ASXL3: variants seen among roughly 807,000 people sequenced by gnomAD.
The protein encoded by ASXL3 is ASXL transcriptional regulator 3, also known as putative Polycomb group protein ASXL3.
Under a neutral mutation model 170.6 loss-of-function variants are expected in ASXL3, and 34 were observed. That is an observed-to-expected ratio of 0.20 (90% CI 0.15 to 0.27). ASXL3 has a LOEUF of 0.27. Among genes scored for constraint, ASXL3 ranks in the 10% least tolerant of loss-of-function variants. The pLI, the probability that ASXL3 is intolerant of heterozygous loss-of-function variation, is 1.00. For synonymous variants in ASXL3, 1,002 were observed against 989.1 expected (o/e 1.01, Z -0.24); for missense variants, 2,592 against 2,695.3 (o/e 0.96, Z 0.85).
Position 33,748,740 on chromosome 18 carries a change from A to G in ASXL3, c.*2145A>G, listed in dbSNP as rs1221424356. 1.3e-5 allele frequency: 2 copies of G among 152,102 alleles called. No homozygotes were observed. Among genetic ancestry groups the G allele is most frequent in the Non-Finnish European group, 2.9e-5 (2 of 68,030 alleles). 9.4% of individuals were successfully genotyped at this position (152,102 alleles called of 1,614,324 possible). ...CTATAATATAGACACTTGCATGCCAACTCCTTCCAAATTCATTCACTGCTA... is the reference window on the plus strand; with the variant it reads ...CTATAATATAGACACTTGCATGCCAGCTCCTTCCAAATTCATTCACTGCTA... On this transcript the variant is annotated 3_prime_UTR_variant, in exon 12 of 12. Transcript: ENST00000269197.
intron 10 of ASXL3, among the ~76,000 whole-genome samples, chr18:33,736,365 T>C (rs1363394090): frequency 6.6e-6 from 1 of 152,140 alleles, no homozygotes; most frequent in Non-Finnish European, 1.5e-5. Context: ...CTGTAGTTTA[T>C]CAGTAGCTTT....
intron 1 of ASXL3, among the ~76,000 whole-genome samples, chr18:33,587,140 T>G (rs537489117): frequency 6.6e-6 from 1 of 152,304 alleles, no homozygotes; most frequent in African/African-American, 2.4e-5. Flanking sequence ...GTGATTACCT[T>G]TAACCAAAAG....
At chr18:33,585,230 A>G (rs1483112339) in intron 1 of ASXL3, among the ~76,000 whole-genome samples, 2 of 151,970 alleles carry the variant, frequency 1.3e-5, no homozygotes, top group African/African-American at 4.8e-5. Flanking sequence ...TGATAGGGCC[A>G]GGAGGAGGGG....
At chr18:33,681,728 A>G (rs1369999164) in intron 7 of ASXL3, among the ~76,000 whole-genome samples, 1 of 151,614 alleles carries the variant, frequency 6.6e-6, no homozygotes, top group African/African-American at 2.4e-5. Context: ...AAAATATTTC[A>G]GTCATTAGCT....
At position 33,670,737 on chromosome 18, in the gene ASXL3, G is replaced by A. The variant is rs972436452; in HGVS notation, c.542G>A (p.Arg181His). 8 of 1,566,338 alleles carry A rather than the reference G, an allele frequency of 5.1e-6. No individual in the cohort carries two copies. Among genetic ancestry groups the A allele is most frequent in the Non-Finnish European group, 6.1e-6 (7 of 1,154,580 alleles). ...ATGATGGTAAACAAGACTGTTCCTC[G>A]TGTTGTTTTGACACCATTAAAGGTG... The part of the protein sequence containing the change: ...VSMMVNKTVP[R>H]VVLTPLKVSD... Residue 181 changes from arginine (R) to histidine (H), a missense_variant, in exon 6 of 12, where the codon CGT (arginine) becomes CAT (histidine). Around this residue, in one of 4 missense-constraint regions of ASXL3, gnomAD observed 251 missense variants for 281.9 expected, o/e 0.89. Transcript: ENST00000269197.
rs970821591 is a variant in ASXL3 at position 33,589,101 on chromosome 18, C to T, written c.54+10416C>T. On this transcript the variant is annotated intron_variant, in intron 1 of 11. Transcript: ENST00000269197. The stretch of plus-strand genomic sequence containing the variant: ...GGAGACAGTGTAGATTAATGATGGT[C>T]CTAAGAGTCAGGCAGATTTGAGTTT... 2.6e-5 allele frequency among the ~76,000 whole-genome samples: 4 copies of T among 151,696 alleles called. No homozygotes were observed. The East Asian group carries it at 7.8e-4, about 30-fold the overall frequency.
At chr18:33,697,718 T>A (rs780979287) in intron 8 of ASXL3, among the ~76,000 whole-genome samples, 7 of 152,048 alleles carry the variant, frequency 4.6e-5, no homozygotes, top group Middle Eastern at 3.2e-3. Context: ...AACATTCAGC[T>A]GATGGCCCAG....
chr18:33,700,772 G>A lies in ASXL3; in HGVS notation c.879+17204G>A, dbSNP rs747431605. On this transcript the variant is annotated intron_variant, in intron 8 of 11. Transcript: ENST00000269197. The stretch of plus-strand genomic sequence containing the variant: ...TAGATTGAGCTTTAGCCATATGGGT[G>A]TATCCAAAAGACAGGAAGGGCAAGA... 1.2e-3 allele frequency among the ~76,000 whole-genome samples: 187 copies of A among 152,192 alleles called. 3 individuals carry two copies. Among genetic ancestry groups the A allele is most frequent in the Middle Eastern group, 3.4e-3 (1 of 294 alleles).
At chr18:33,593,040 C>T (rs1407805449) in intron 1 of ASXL3, among the ~76,000 whole-genome samples, 5 of 151,986 alleles carry the variant, frequency 3.3e-5, no homozygotes, top group Admixed American at 6.6e-5. Context: ...GTAGAACAAT[C>T]GTTGTAAACA....
Position 33,742,868 on chromosome 18 carries a change from T to A in ASXL3, c.3040-20T>A. ...TCATGTATGAAGCACATTATATTTT[T>A]TTTTCTGTCCTCCTTTTAGATTCAG... On this transcript the variant is annotated intron_variant, in intron 11 of 11. Coordinates refer to ENST00000269197, the MANE Select transcript of ASXL3 (RefSeq NM_030632.3). The A allele has an allele frequency of 1.3e-6, 2 of 1,569,292 alleles. No individual in the cohort carries two copies.
intron 5 of ASXL3, 127 bp downstream of exon 5, chr18:33,661,864 C>T (rs2066179493): frequency 9.5e-7 from 1 of 1,048,396 alleles, no homozygotes; most frequent in Non-Finnish European, 1.3e-6. Context: ...CAATCCCATC[C>T]ATGATATTCA....
intron 8 of ASXL3, among the ~76,000 whole-genome samples, chr18:33,718,743 G>A (rs1396316234): frequency 6.8e-6 from 1 of 148,000 alleles, no homozygotes; most frequent in East Asian, 2.0e-4. Flanking sequence ...GAATATTTCT[G>A]CCCCTTTTGG....
rs1048731369 is a variant in ASXL3 at position 33,690,006 on chromosome 18, T to C, written c.879+6438T>C. Among the ~76,000 whole-genome samples the C allele has an allele frequency of 9.9e-5, 15 of 152,094 alleles. No homozygotes were observed. In the South Asian group the frequency reaches 3.1e-3, roughly 32 times the overall value. ...GCTGGCTGCTGTGCCCTCTGACATG[T>C]CTCCATTATTATTTATTTATTTATT... On this transcript the variant is annotated intron_variant, in intron 8 of 11. Transcript: ENST00000269197.
At chr18:33,713,361 G>C (rs1037753388) in intron 8 of ASXL3, among the ~76,000 whole-genome samples, 1 of 136,324 alleles carries the variant, frequency 7.3e-6, no homozygotes, top group African/African-American at 2.7e-5. Flanking sequence ...GGGTTCAAGT[G>C]ATTCTCCTGC....
chr18:33,707,557 T>C (rs952315480), intron 8 of ASXL3, among the ~76,000 whole-genome samples: 2 of 151,946 alleles, frequency 1.3e-5, no homozygotes, highest in African/African-American at 4.8e-5. Context: ...CTAATTCACG[T>C]ATTAATTTTA....
In ASXL3 at chr18:33,739,022, T is replaced by C. The variant is rs1448909926; in HGVS notation, c.1618T>C (p.Cys540Arg). ...AGTTGTTATCGATCAGTTAGAAGTC[T>C]GTGACTCTCTTATTCCTTCCACTTC... ...MTVVIDQLEV[C>R]DSLIPSTSSM... is the part of the protein sequence containing the mutation. The change falls in exon 11 of 12, where the codon TGT becomes CGT. Residue 540 changes from cysteine (C) to arginine (R), a missense_variant. Physicochemically the swap from Cys to Arg is radical, Grantham distance 180. Around this residue, in one of 4 missense-constraint regions of ASXL3, gnomAD observed 2,246 missense variants for 2,219.6 expected, o/e 1.01. Transcript: ENST00000269197. The C allele has an allele frequency of 6.2e-7, 1 of 1,613,612 alleles. No individual in the cohort carries two copies. The highest frequency in any genetic ancestry group is 1.7e-5 in the Admixed American group (1 of 59,934).
intron 2 of ASXL3, among the ~76,000 whole-genome samples, chr18:33,630,697 A>G (rs1333110239): frequency 6.6e-6 from 1 of 151,992 alleles, no homozygotes; most frequent in African/African-American, 2.4e-5. Context: ...AAGGAATTTC[A>G]GATGAGTAGT....
intron 2 of ASXL3, among the ~76,000 whole-genome samples, chr18:33,615,080 T>G (rs1437458646): frequency 6.6e-6 from 1 of 152,132 alleles, no homozygotes; most frequent in African/African-American, 2.4e-5. Flanking sequence ...AAACCTTGAC[T>G]TCACCTCTCT....
intron 2 of ASXL3, among the ~76,000 whole-genome samples, chr18:33,629,005 A>T (rs1263144623): frequency 6.6e-6 from 1 of 152,162 alleles, no homozygotes; most frequent in Non-Finnish European, 1.5e-5. Context: ...GTGCTTATAA[A>T]TGGACGTTGA....
Sources: gnomAD v4.1 joint callset for allele counts (sites outside exome capture counted in the v4.1 genomes callset) on GRCh38, gnomAD v4.1.1 for gene constraint, gnomAD v4.1.1 regional missense constraint, MANE v1.5 for transcripts, NCBI Gene and HGNC (gene_info 2026-07-23, HGNC 2026-07-21) for gene names.